PCDH17: variants seen among roughly 807,000 people sequenced by gnomAD.
PCDH17 encodes the protein protocadherin-17.
Under a neutral mutation model 67.7 loss-of-function variants are expected in PCDH17, and 21 were observed. The ratio of observed to expected loss-of-function variants is 0.31; its 90% CI spans 0.22 to 0.45. The LOEUF (loss-of-function observed/expected upper bound fraction) is 0.45. Among genes scored for constraint, PCDH17 ranks in the 20% least tolerant of loss-of-function variants. The pLI, the probability that PCDH17 is intolerant of heterozygous loss-of-function variation, is 1.00. For synonymous variants in PCDH17, 701 were observed against 656.7 expected (o/e 1.07, Z -1.03); for missense variants, 1,471 against 1,564.8 (o/e 0.94, Z 1.01).
At chr13:57,675,798 G>T (rs1955385473) in intron 3 of PCDH17, among the ~76,000 whole-genome samples, 1 of 151,898 alleles carries the variant, frequency 6.6e-6, no homozygotes, top group Non-Finnish European at 1.5e-5. Flanking sequence ...TGCTCAGGAG[G>T]TAACATTGCA....
intron 3 of PCDH17, among the ~76,000 whole-genome samples, chr13:57,703,184 AT>A: frequency 6.6e-6 from 1 of 152,272 alleles, no homozygotes; most frequent in East Asian, 1.9e-4. Context: ...ATTTGAGGTT[AT>A]GGGTTTTTTA....
intron 3 of PCDH17, among the ~76,000 whole-genome samples, chr13:57,689,231 T>A (rs1955534815): frequency 2.0e-5 from 3 of 152,066 alleles, no homozygotes; most frequent in Non-Finnish European, 2.9e-5. Context: ...TATGTCATTC[T>A]AGTCAACATA....
chr13:57,633,219 G>T lies in PCDH17; in HGVS notation c.673G>T (p.Ala225Ser), dbSNP rs971203051. ...ALDGGEPPRS[A>S]TVQINVKVID... ...GGACGGTGGCGAGCCTCCACGTTCCGCCACCGTACAGATCAACGTGAAGGT... is the reference window on the plus strand; with the variant it reads ...GGACGGTGGCGAGCCTCCACGTTCCTCCACCGTACAGATCAACGTGAAGGT... Residue 225 changes from alanine (A) to serine (S), a missense_variant, in exon 1 of 4, where the codon GCC becomes TCC. Physicochemically the swap from Ala to Ser is moderately conservative, Grantham distance 99 (BLOSUM62 1). Around this residue, in one of 3 missense-constraint regions of PCDH17, gnomAD observed 1,163 missense variants for 1,230.0 expected, o/e 0.95. Coordinates refer to ENST00000377918, the MANE Select transcript of PCDH17 (RefSeq NM_001040429.3). The surrounding 1 kb of genome is among the most constrained non-coding windows in gnomAD (Gnocchi z 6.2). The T allele has an allele frequency of 1.2e-6, 2 of 1,613,140 alleles. No homozygotes were observed. The highest frequency in any genetic ancestry group is 2.7e-5 in the African/African-American group (2 of 74,960).
At chr13:57,703,561 T>C (rs1297359954) in intron 3 of PCDH17, among the ~76,000 whole-genome samples, 1 of 152,150 alleles carries the variant, frequency 6.6e-6, no homozygotes, top group African/African-American at 2.4e-5. Context: ...TTATGTTTTA[T>C]TGTTCTGTTC....
intron 1 of PCDH17, among the ~76,000 whole-genome samples, chr13:57,654,703 T>C (rs192240757): frequency 1.7e-4 from 26 of 152,160 alleles, no homozygotes; most frequent in African/African-American, 6.0e-4. Context: ...ATTAAAAGTA[T>C]ATTGACACTA....
At chr13:57,655,968 T>C (rs1194175293) in intron 1 of PCDH17, among the ~76,000 whole-genome samples, 1 of 152,122 alleles carries the variant, frequency 6.6e-6, no homozygotes, top group Non-Finnish European at 1.5e-5. Flanking sequence ...AGAGAGGCAG[T>C]ACAGCAACCG....
chr13:57,637,938 A>G (rs762856883), intron 1 of PCDH17, among the ~76,000 whole-genome samples: 3 of 152,040 alleles, frequency 2.0e-5, no homozygotes, highest in Admixed American at 2.0e-4. Context: ...CTAAGCATTC[A>G]TATAAGCTGA....
chr13:57,710,759 G>A (rs1249947528), intron 3 of PCDH17, among the ~76,000 whole-genome samples: 1 of 151,868 alleles, frequency 6.6e-6, no homozygotes, highest in Non-Finnish European at 1.5e-5. Flanking sequence ...AAACATACAT[G>A]TATATTATAG....
intron 3 of PCDH17, among the ~76,000 whole-genome samples, chr13:57,676,186 T>G (rs1955389406): frequency 7.1e-6 from 1 of 139,964 alleles, no homozygotes; most frequent in African/African-American, 2.8e-5. Context: ...GACTCAGTAA[T>G]GTGGAACATT....
In PCDH17 at chr13:57,725,107, G is replaced by A; in HGVS notation, c.3293G>A (p.Arg1098Lys). ...PPFMASDQMA[R>K]VFADVHSRAS... is the part of the protein sequence containing the mutation. ...TTCATGGCTTCCGATCAGATGGCAA[G>A]GGTCTTTGCAGATGTGCATTCCAGA... The change falls in exon 4 of 4, where the codon AGG becomes AAG. Residue 1098 changes from arginine to lysine, a missense_variant. Physicochemically the swap from Arg to Lys is conservative, Grantham distance 26. Around this residue, in one of 3 missense-constraint regions of PCDH17, gnomAD observed 297 missense variants for 298.6 expected, o/e 0.99. Coordinates refer to ENST00000377918, the MANE Select transcript of PCDH17 (RefSeq NM_001040429.3). 6.2e-7 allele frequency: 1 copy of A among 1,614,154 alleles called. No individual in the cohort carries two copies. The highest frequency in any genetic ancestry group is 8.5e-7 in the Non-Finnish European group (1 of 1,180,012).
intron 1 of PCDH17, among the ~76,000 whole-genome samples, chr13:57,662,680 T>A (rs905749049): frequency 1.3e-5 from 2 of 152,156 alleles, no homozygotes; most frequent in African/African-American, 2.4e-5. Flanking sequence ...ATAATTTGAA[T>A]CAGACATCAA....
intron 1 of PCDH17, among the ~76,000 whole-genome samples, chr13:57,663,518 A>G (rs1593910817): frequency 1.3e-5 from 2 of 152,132 alleles, no homozygotes; most frequent in South Asian, 4.1e-4. Flanking sequence ...CTATGCAAAT[A>G]CTGTTATTTT....
intron 3 of PCDH17, among the ~76,000 whole-genome samples, chr13:57,723,350 T>C (rs1191958524): frequency 6.6e-6 from 1 of 152,184 alleles, no homozygotes. Context: ...ATGTAAATAA[T>C]TATTTACATG....
chr13:57,692,712 T>C (rs1203911459), intron 3 of PCDH17, among the ~76,000 whole-genome samples: 2 of 151,214 alleles, frequency 1.3e-5, no homozygotes, highest in African/African-American at 4.8e-5. Flanking sequence ...TCTTTTCTTT[T>C]TTTAGTCACC....
intron 3 of PCDH17, among the ~76,000 whole-genome samples, chr13:57,709,313 G>A (rs1955752977): frequency 6.6e-6 from 1 of 151,306 alleles, no homozygotes; most frequent in Admixed American, 6.6e-5. Flanking sequence ...TAATTTTTGG[G>A]GCCTGCTTGT....
intron 3 of PCDH17, among the ~76,000 whole-genome samples, chr13:57,712,728 A>G (rs1168253201): frequency 1.3e-5 from 2 of 151,714 alleles, no homozygotes; most frequent in African/African-American, 4.8e-5. Context: ...GTTTGAATTA[A>G]GAAAGACTGT....
chr13:57,728,821 T>C lies in PCDH17; in HGVS notation c.*3527T>C, dbSNP rs1252128938. On this transcript the variant is annotated 3_prime_UTR_variant, in exon 4 of 4. Transcript: ENST00000377918. Reference sequence around the variant, plus strand: ...ACTTCCCTTTAAAGGATCTAGATATTGTTCAATTTAAAATATGGCACCATA... The same window carrying C: ...ACTTCCCTTTAAAGGATCTAGATATCGTTCAATTTAAAATATGGCACCATA... 6.6e-6 allele frequency: 1 copy of C among 152,162 alleles called. No individual in the cohort carries two copies. Among genetic ancestry groups the C allele is most frequent in the Non-Finnish European group, 1.5e-5 (1 of 67,972 alleles). The allele number at this position is 152,162 out of a possible 1,614,324, so 9.4% of individuals were successfully genotyped here.
rs1437288220 is a variant in PCDH17, at chr13:57,729,114, T to A, written c.*3820T>A. The A allele has an allele frequency of 6.6e-6, 1 of 152,176 alleles. No individual in the cohort carries two copies. The highest frequency in any genetic ancestry group is 1.9e-4 in the East Asian group (1 of 5,196). 9.4% of individuals were successfully genotyped at this position (152,176 alleles called of 1,614,324 possible). A position where few individuals can be genotyped will look rare whatever the true frequency, so the allele number is the denominator to read the frequency against. On this transcript the variant is annotated 3_prime_UTR_variant, in exon 4 of 4. Transcript: ENST00000377918. ...TAAAGTCTGACTTTCCTGGCCCCAG[T>A]GTTTTGCAGGTTGGCTATTTCCATT... is the stretch of plus-strand genomic sequence containing the variant.
At chr13:57,641,575 AAAAAAAAAAAAAATATAT>A (rs1393309414) in intron 1 of PCDH17, among the ~76,000 whole-genome samples, 5 of 76,602 alleles carry the variant, frequency 6.5e-5, no homozygotes, top group African/African-American at 2.0e-4. Flanking sequence ...AAAAAAAAAA[AAAAAAAAAAAAAATATAT>A]ATATATATAT....
Sources: gnomAD v4.1 joint callset for allele counts (sites outside exome capture counted in the v4.1 genomes callset) on GRCh38, gnomAD v4.1.1 for gene constraint, gnomAD v4.1.1 regional missense constraint, Gnocchi (gnomAD v3.1) non-coding constraint, MANE v1.5 for transcripts, NCBI Gene and HGNC (gene_info 2026-07-23, HGNC 2026-07-21) for gene names.